CAST: variants seen among roughly 807,000 people sequenced by gnomAD.
CAST encodes MIR583 host.
A neutral mutation model predicts 119.6 loss-of-function variants in CAST; 76 were observed. The observed-to-expected ratio is 0.64, with a 90% CI of 0.53 to 0.77. The LOEUF (loss-of-function observed/expected upper bound fraction) is 0.77, where lower values mean the gene tolerates loss of function less well. Ranked by LOEUF, CAST falls within the 30% of genes least tolerant of loss-of-function variation. The pLI is 0.00. For missense variants in CAST, 953 were observed against 946.5 expected, an observed-to-expected ratio of 1.01 and a Z score of -0.09; for synonymous variants, 319 against 331.6, an observed-to-expected ratio of 0.96 and a Z score of 0.41.
the CAST span, among the ~76,000 whole-genome samples, chr5:96,152,487 G>A: frequency 3.9e-5 from 6 of 152,162 alleles, no homozygotes; most frequent in African/African-American, 1.4e-4. Context: ...GGTCCTAGGA[G>A]AGGAAGACTG....
chr5:96,284,847 T>C, the CAST span, among the ~76,000 whole-genome samples: 1 of 152,312 alleles, frequency 6.6e-6, no homozygotes, highest in Admixed American at 6.5e-5. Flanking sequence ...CTTATTTCTT[T>C]TTTATCTTAA....
intron 4 of CAST, among the ~76,000 whole-genome samples, chr5:96,725,118 G>A (rs1759021463): frequency 6.6e-6 from 1 of 152,160 alleles, no homozygotes; most frequent in South Asian, 2.1e-4. Flanking sequence ...GTAGGAGAGA[G>A]AAGAGGGGGA....
the CAST span, among the ~76,000 whole-genome samples, chr5:96,464,368 G>A: frequency 6.6e-6 from 1 of 151,978 alleles, no homozygotes; most frequent in Non-Finnish European, 1.5e-5. Context: ...ATATTGAAAT[G>A]GGGCCTCATA....
chr5:96,199,922 CTTA>C, the CAST span, among the ~76,000 whole-genome samples: 8 of 152,086 alleles, frequency 5.3e-5, no homozygotes, highest in Non-Finnish European at 4.4e-5. Context: ...TCTTTGGTTA[CTTA>C]TTAACCTCCC....
At chr5:96,296,422 A>G in the CAST span, among the ~76,000 whole-genome samples, 18 of 152,336 alleles carry the variant, frequency 1.2e-4, no homozygotes, top group Non-Finnish European at 1.8e-4. Context: ...TTTCTAATGT[A>G]AATCTTCAGC....
At chr5:96,219,439 A>G in the CAST span, among the ~76,000 whole-genome samples, 6 of 152,206 alleles carry the variant, frequency 3.9e-5, no homozygotes, top group Admixed American at 3.9e-4. Context: ...AAAGGAAGTG[A>G]GCCTCAGAGA....
chr5:96,487,657 T>A, the CAST span, among the ~76,000 whole-genome samples: 1 of 152,244 alleles, frequency 6.6e-6, no homozygotes, highest in Non-Finnish European at 1.5e-5. Flanking sequence ...GGATAGCCAC[T>A]GGCCTCTCCT....
the CAST span, among the ~76,000 whole-genome samples, chr5:96,280,167 C>T: frequency 6.6e-5 from 10 of 152,206 alleles, no homozygotes; most frequent in African/African-American, 1.9e-4. Flanking sequence ...GAGGTGATCT[C>T]GTATTGGAGG....
the CAST span, among the ~76,000 whole-genome samples, chr5:96,454,352 G>C: frequency 6.6e-6 from 1 of 152,098 alleles, no homozygotes; most frequent in African/African-American, 2.4e-5. Flanking sequence ...TTTGAACCTA[G>C]GTCCAAAGTC....
rs140665192 is a variant in CAST at position 96,588,196 on chromosome 5, C to CTTTTTTTTTTT, written c.60+58330_60+58340dup. 3.6e-3 allele frequency among the ~76,000 whole-genome samples: 270 copies of CTTTTTTTTTTT among 75,838 alleles called. 13 individuals carry two copies. Among genetic ancestry groups the CTTTTTTTTTTT allele is most frequent in the Middle Eastern group, 0.013 (1 of 80 alleles). 49.8% of individuals were successfully genotyped at this position (75,838 alleles called of 152,430 possible). ...TATTATTTTCTTTCTTTCTTTCTTTCTTTTTTTTTTTTTTTTTTTTTTTTG... is the reference window on the plus strand; with the variant it reads ...TATTATTTTCTTTCTTTCTTTCTTTCTTTTTTTTTTTTTTTTTTTTTTTTTTTTTTTTTTTG... On this transcript the variant is annotated intron_variant, in intron 1 of 11. Transcript: ENST00000505143.
At chr5:96,677,040 A>T (rs1267885603) in intron 2 of CAST, among the ~76,000 whole-genome samples, 1 of 151,944 alleles carries the variant, frequency 6.6e-6, no homozygotes, top group Non-Finnish European at 1.5e-5. Flanking sequence ...GTGACAAAAA[A>T]AAAAAAAGAA....
the CAST span, among the ~76,000 whole-genome samples, chr5:96,247,148 G>A: frequency 1.4e-4 from 22 of 152,308 alleles, no homozygotes; most frequent in Admixed American, 2.6e-4. Context: ...CAGCTGTCCC[G>A]TAGCACTGTC....
the CAST span, among the ~76,000 whole-genome samples, chr5:96,139,924 T>C: frequency 6.6e-6 from 1 of 152,116 alleles, no homozygotes. Context: ...ACCTAGAAAG[T>C]TGATTGCTTA....
the CAST span, among the ~76,000 whole-genome samples, chr5:96,254,936 G>C: frequency 6.6e-6 from 1 of 151,754 alleles, no homozygotes; most frequent in East Asian, 1.9e-4. Flanking sequence ...CTCCTTTGTC[G>C]GGCATATTTG....
intron 15 of CAST, 40 bp downstream of exon 15, chr5:96,741,620 G>T: frequency 7.5e-7 from 1 of 1,329,570 alleles, no homozygotes; most frequent in South Asian, 1.2e-5. Context: ...GCTTTCCAGA[G>T]CCTGATCTAG....
At chr5:96,393,987 C>G in the CAST span, among the ~76,000 whole-genome samples, 1 of 152,180 alleles carries the variant, frequency 6.6e-6, no homozygotes, top group Non-Finnish European at 1.5e-5. Context: ...GCTTCCCAGA[C>G]TGTGAAGAAA....
chr5:96,494,893 G>C, the CAST span, among the ~76,000 whole-genome samples: 1 of 152,052 alleles, frequency 6.6e-6, no homozygotes. Context: ...CAAGGCGGGC[G>C]GATCACGAGG....
chr5:96,526,585 T>A (rs155212), upstream of CAST, among the ~76,000 whole-genome samples: 106,385 of 151,822 alleles, frequency 0.7, 37,758 homozygotes, highest in South Asian at 0.83. Flanking sequence ...TTTACTTCAA[T>A]ATAGTCAATA....
chr5:96,652,181 G>T (rs1748103318), intron 1 of CAST, among the ~76,000 whole-genome samples: 1 of 152,206 alleles, frequency 6.6e-6, no homozygotes, highest in African/African-American at 2.4e-5. Flanking sequence ...CCCAGGGATG[G>T]TTCTAAGGAG....
Sources: gnomAD v4.1 joint callset for allele counts (sites outside exome capture counted in the v4.1 genomes callset) on GRCh38, gnomAD v4.1.1 for gene constraint, MANE v1.5 for transcripts, NCBI Gene and HGNC (gene_info 2026-07-23, HGNC 2026-07-21) for gene names.